FHIP1A: variants seen among roughly 807,000 people sequenced by gnomAD.
The protein encoded by FHIP1A is FHF complex subunit HOOK interacting protein 1A.
In FHIP1A, 61 loss-of-function variants were observed where a neutral mutation model predicts 88.6. The ratio of observed to expected loss-of-function variants is 0.69; its 90% CI spans 0.56 to 0.85. FHIP1A has a LOEUF of 0.85. Among genes scored for constraint, FHIP1A ranks in the 40% least tolerant of loss-of-function variants. The probability of loss-of-function intolerance (pLI) is 0.00; values close to 1 mark genes in which losing one functional copy is unlikely to be tolerated. For synonymous variants in FHIP1A, 478 were observed against 496.0 expected (o/e 0.96, Z 0.48); for missense variants, 1,154 against 1,273.5 (o/e 0.91, Z 1.43).
intron 5 of FHIP1A, among the ~76,000 whole-genome samples, chr4:151,578,614 T>C (rs779338999): frequency 6.6e-6 from 1 of 152,200 alleles, no homozygotes. Flanking sequence ...TGGCAAGATG[T>C]GGAGGAGTAG....
intron 1 of FHIP1A, among the ~76,000 whole-genome samples, chr4:151,449,030 A>G (rs1331200598): frequency 6.6e-6 from 1 of 152,122 alleles, no homozygotes; most frequent in Non-Finnish European, 1.5e-5. Context: ...ACAGTTTCTA[A>G]TGATACATTT....
intron 5 of FHIP1A, among the ~76,000 whole-genome samples, chr4:151,580,571 A>C (rs1261431472): frequency 6.6e-6 from 1 of 152,206 alleles, no homozygotes; most frequent in Admixed American, 6.5e-5. Flanking sequence ...ATGTTTGGTA[A>C]AACTGAATAT....
chr4:151,443,395 T>C lies in FHIP1A; in HGVS notation c.-355-11306T>C, dbSNP rs557753195. Among the ~76,000 whole-genome samples, 5 of 152,238 alleles carry C rather than the reference T, an allele frequency of 3.3e-5. No homozygotes were observed. The South Asian group carries it at 1.0e-3, about 32-fold the overall frequency. ...CGCAATGGTGTGATCATAGAACTCC[T>C]GGATTTAAGGGATCCTCCCGCCTCA... On this transcript the variant is annotated intron_variant, in intron 1 of 13. Coordinates refer to ENST00000435205, the MANE Select transcript of FHIP1A (RefSeq NM_001109977.3).
chr4:151,472,748 CA>C (rs1729569158), intron 2 of FHIP1A, among the ~76,000 whole-genome samples: 2 of 151,510 alleles, frequency 1.3e-5, no homozygotes, highest in South Asian at 2.1e-4. Flanking sequence ...TTCCAACATT[CA>C]AAAGGCAGAA....
chr4:151,439,910 A>G (rs941233828), intron 1 of FHIP1A, among the ~76,000 whole-genome samples: 1 of 152,114 alleles, frequency 6.6e-6, no homozygotes, highest in African/African-American at 2.4e-5. Flanking sequence ...TAATGTATTT[A>G]GTTATTACGT....
chr4:151,458,166 G>A (rs778460957), intron 2 of FHIP1A, among the ~76,000 whole-genome samples: 2 of 152,220 alleles, frequency 1.3e-5, no homozygotes, highest in Non-Finnish European at 2.9e-5. Context: ...GAGGTCATAA[G>A]TAGCAGAGTG....
chr4:151,432,922 G>A (rs750337654), intron 1 of FHIP1A, among the ~76,000 whole-genome samples: 35 of 152,146 alleles, frequency 2.3e-4, no homozygotes, highest in Non-Finnish European at 4.0e-4. Flanking sequence ...GGACTAGAAA[G>A]TGCTTCCTGG....
At chr4:151,537,044 T>C (rs1732096099) in intron 3 of FHIP1A, among the ~76,000 whole-genome samples, 1 of 152,034 alleles carries the variant, frequency 6.6e-6, no homozygotes, top group Admixed American at 6.6e-5. Flanking sequence ...CAGCTAATTA[T>C]TTTTATTTTT....
intron 3 of FHIP1A, among the ~76,000 whole-genome samples, chr4:151,506,944 A>C (rs1054600329): frequency 2.6e-5 from 4 of 152,226 alleles, no homozygotes; most frequent in African/African-American, 9.6e-5. Flanking sequence ...AGGTCTTCCC[A>C]TTTCAACAAA....
intron 3 of FHIP1A, among the ~76,000 whole-genome samples, chr4:151,535,531 CTA>C (rs1491374108): frequency 6.6e-6 from 1 of 152,164 alleles, no homozygotes; most frequent in Non-Finnish European, 1.5e-5. Context: ...ATATACATAT[CTA>C]TGTGTATATC....
chr4:151,613,320 A>C (rs890887131), intron 7 of FHIP1A, among the ~76,000 whole-genome samples: 1 of 152,056 alleles, frequency 6.6e-6, no homozygotes, highest in Non-Finnish European at 1.5e-5. Flanking sequence ...CTTTCAAATT[A>C]CTCCTTTGTT....
intron 5 of FHIP1A, among the ~76,000 whole-genome samples, chr4:151,584,972 CACA>C (rs1734155515): frequency 6.6e-6 from 1 of 152,058 alleles, no homozygotes; most frequent in African/African-American, 2.4e-5. Flanking sequence ...TTTGTAAATC[CACA>C]ACACCATATA....
intron 13 of FHIP1A, among the ~76,000 whole-genome samples, chr4:151,661,698 T>C (rs1177633383): frequency 6.6e-6 from 1 of 152,208 alleles, no homozygotes; most frequent in Non-Finnish European, 1.5e-5. Context: ...CCATTTTAAT[T>C]AGTAAAAACT....
At chr4:151,570,108 C>T (rs1733542171) in intron 4 of FHIP1A, among the ~76,000 whole-genome samples, 1 of 152,178 alleles carries the variant, frequency 6.6e-6, no homozygotes, top group Non-Finnish European at 1.5e-5. Flanking sequence ...ATCTGGCCAC[C>T]TACAGCCCAG....
intron 3 of FHIP1A, among the ~76,000 whole-genome samples, chr4:151,515,647 T>C (rs1363942945): frequency 6.6e-6 from 1 of 152,166 alleles, no homozygotes; most frequent in African/African-American, 2.4e-5. Flanking sequence ...CAAGCATTCT[T>C]ATACACCAAT....
chr4:151,473,617 T>G (rs374535971), intron 2 of FHIP1A, among the ~76,000 whole-genome samples: 19 of 152,308 alleles, frequency 1.2e-4, no homozygotes, highest in African/African-American at 4.6e-4. Flanking sequence ...TACCTCTCTC[T>G]GTGTGAAAAG....
chr4:151,489,155 G>A (rs1393777450), intron 3 of FHIP1A, among the ~76,000 whole-genome samples: 1 of 152,158 alleles, frequency 6.6e-6, no homozygotes, highest in Non-Finnish European at 1.5e-5. Flanking sequence ...CATCCCACTG[G>A]GAACCTGAAA....
chr4:151,440,479 T>G (rs1212255768), intron 1 of FHIP1A, among the ~76,000 whole-genome samples: 1 of 152,194 alleles, frequency 6.6e-6, no homozygotes, highest in Non-Finnish European at 1.5e-5. Flanking sequence ...AGTTCTTTTC[T>G]GAAGCAACTA....
rs869041330 is a variant in FHIP1A, at chr4:151,485,591, GT to G, written c.-123+2960del. On this transcript the variant is annotated intron_variant, in intron 3 of 13. Transcript: ENST00000435205. ...AGAAGCCCAGAGGGTGGAGCTCAGA[GT>G]TTTTTTTTTTTTTTTTGAGACAAAT... Among the ~76,000 whole-genome samples the G allele has an allele frequency of 7.9e-3, 1,079 of 135,752 alleles. 13 individuals are homozygous for G. Among genetic ancestry groups the G allele is most frequent in the African/African-American group, 0.023 (861 of 37,232 alleles). The allele number at this position is 135,752 out of a possible 152,430, so 89.1% of individuals were successfully genotyped here.
Sources: gnomAD v4.1 joint callset for allele counts (sites outside exome capture counted in the v4.1 genomes callset) on GRCh38, gnomAD v4.1.1 for gene constraint, MANE v1.5 for transcripts, NCBI Gene and HGNC (gene_info 2026-07-23, HGNC 2026-07-21) for gene names.